Variants in CNTN6 observed in about 807,000 individuals in gnomAD.
CNTN6 encodes the protein contactin 6.
Under a neutral mutation model 122.8 loss-of-function variants are expected in CNTN6, and 137 were observed. The ratio of observed to expected loss-of-function variants is 1.12; its 90% CI spans 0.97 to 1.29. The LOEUF (loss-of-function observed/expected upper bound fraction) is 1.29. CNTN6 is among the 50% of genes most tolerant of loss of function. The probability of loss-of-function intolerance (pLI) is 0.00; values close to 1 mark genes in which losing one functional copy is unlikely to be tolerated. For synonymous variants in CNTN6, 570 were observed against 426.0 expected (o/e 1.34, Z -4.16); for missense variants, 1,634 against 1,223.4 (o/e 1.34, Z -5.01).
At chr3:1,372,710 A>T in intron 13 of CNTN6, 128 bp from the exon 14 acceptor site, 1 of 689,470 alleles carries the variant, frequency 1.5e-6, no homozygotes, top group Non-Finnish European at 2.5e-6. Context: ...ACAAGAAATG[A>T]CAATGATACT....
intron 20 of CNTN6, among the ~76,000 whole-genome samples, chr3:1,390,819 A>G (rs1694027845): frequency 6.6e-6 from 1 of 151,228 alleles, no homozygotes. Context: ...AAATGGATAA[A>G]TTCCTCGACA....
At chr3:1,147,443 A>T (rs139339845) in intron 1 of CNTN6, among the ~76,000 whole-genome samples, 2,604 of 152,200 alleles carry the variant, frequency 0.017, 85 homozygotes, top group African/African-American at 0.059. Flanking sequence ...TTCTGAGCTT[A>T]TTCTAAATTT....
chr3:1,278,009 G>A (rs1163047948), intron 4 of CNTN6, among the ~76,000 whole-genome samples: 16 of 152,150 alleles, frequency 1.1e-4, no homozygotes, highest in Admixed American at 1.0e-3. Flanking sequence ...TCTCATAGAT[G>A]CCAGTCACAC....
rs1320010449 is a variant in CNTN6 at position 1,401,484 on chromosome 3, T to C, written c.2756T>C (p.Leu919Ser). The stretch of plus-strand genomic sequence containing the variant: ...GCCTGGAAGCTGACAAACTCTAAAT[T>C]ATGCTTGAACTGGGAGCATGTAAAA... ...NIAWKLTNSKLCLNWEHVKTM... is the reference protein window; with the variant it reads ...NIAWKLTNSKSCLNWEHVKTM... Residue 919 changes from leucine (L) to serine (S), a missense_variant, in exon 21 of 23, where the codon TTA becomes TCA. Physicochemically the swap from Leu to Ser is moderately radical, Grantham distance 145 (BLOSUM62 -2). Coordinates refer to ENST00000446702, the MANE Select transcript of CNTN6 (RefSeq NM_001289080.2). The C allele has an allele frequency of 1.2e-6, 2 of 1,612,022 alleles. No individual in the cohort carries two copies. Among genetic ancestry groups the C allele is most frequent in the African/African-American group, 1.3e-5 (1 of 74,828 alleles).
chr3:1,272,174 C>G (rs1271272805), intron 4 of CNTN6, among the ~76,000 whole-genome samples: 1 of 152,226 alleles, frequency 6.6e-6, no homozygotes, highest in Non-Finnish European at 1.5e-5. Flanking sequence ...CCATGTGGAG[C>G]TGTGAGTCCA....
At position 1,123,680 on chromosome 3, in the gene CNTN6, T is replaced by C. The variant is rs571815696; in HGVS notation, c.-82-24247T>C. 2.0e-5 allele frequency among the ~76,000 whole-genome samples: 3 copies of C among 152,042 alleles called. No individual in the cohort carries two copies. In the East Asian group the frequency reaches 5.8e-4, roughly 29 times the overall value. The stretch of plus-strand genomic sequence containing the variant: ...CCCAATTTAGATACCTTTTATTCAG[T>C]TTTCTTGCCTACTTGCTCTGGTTAG... On this transcript the variant is annotated intron_variant, in intron 1 of 22. Coordinates refer to ENST00000446702, the MANE Select transcript of CNTN6 (RefSeq NM_001289080.2).
chr3:1,231,963 G>A (rs149948137), intron 4 of CNTN6, among the ~76,000 whole-genome samples: 32 of 152,258 alleles, frequency 2.1e-4, no homozygotes, highest in Non-Finnish European at 3.5e-4. Context: ...TGGTGGTAAA[G>A]GTTGAACTTA....
intron 7 of CNTN6, among the ~76,000 whole-genome samples, chr3:1,320,290 A>C (rs1323154604): frequency 6.6e-6 from 1 of 151,746 alleles, no homozygotes; most frequent in East Asian, 1.9e-4. Flanking sequence ...TTTTCTGACA[A>C]ATATGTTTGA....
intron 20 of CNTN6, among the ~76,000 whole-genome samples, chr3:1,388,848 A>C (rs1325607975): frequency 6.8e-6 from 1 of 146,446 alleles, no homozygotes; most frequent in Non-Finnish European, 1.5e-5. Context: ...TGAAGCAAGA[A>C]GGGAAGTTTA....
chr3:1,371,018 T>C (rs1708940980), intron 12 of CNTN6, among the ~76,000 whole-genome samples: 1 of 152,160 alleles, frequency 6.6e-6, no homozygotes, highest in Admixed American at 6.6e-5. Context: ...ATGGCTCTTT[T>C]GTCAGTATGT....
intron 1 of CNTN6, among the ~76,000 whole-genome samples, chr3:1,141,731 T>C (rs1574996587): frequency 6.6e-6 from 1 of 152,152 alleles, no homozygotes; most frequent in Admixed American, 6.6e-5. Flanking sequence ...AAAAGCACAA[T>C]GTTGACAGAA....
chr3:1,156,014 A>G (rs1435650883), intron 2 of CNTN6, among the ~76,000 whole-genome samples: 2 of 152,180 alleles, frequency 1.3e-5, no homozygotes, highest in Non-Finnish European at 2.9e-5. Context: ...AATTTCCTTC[A>G]ACAAATATTG....
chr3:1,130,505 G>C (rs964220038), intron 1 of CNTN6, among the ~76,000 whole-genome samples: 2 of 152,076 alleles, frequency 1.3e-5, no homozygotes, highest in Non-Finnish European at 2.9e-5. Flanking sequence ...TTCTAGCCCC[G>C]TTGTTGAGTT....
chr3:1,316,727 GTTATTATTA>G (rs141412602), intron 7 of CNTN6, among the ~76,000 whole-genome samples: 1 of 151,688 alleles, frequency 6.6e-6, no homozygotes, highest in East Asian at 1.9e-4. Context: ...TATTGTAATT[GTTATTATTA>G]TTATTAACAC....
chr3:1,298,205 C>G, intron 7 of CNTN6: 1 of 486,650 alleles, frequency 2.1e-6, no homozygotes, highest in Non-Finnish European at 3.7e-6. Context: ...GGCTGCAATT[C>G]TTCCCTACAG....
chr3:1,321,967 C>A, intron 8 of CNTN6, 133 bp downstream of exon 8: 1 of 702,320 alleles, frequency 1.4e-6, no homozygotes, highest in Non-Finnish European at 2.3e-6. Context: ...GGTTTAGATG[C>A]TTAACACAAT....
At chr3:1,178,271 C>T (rs1357019794) in intron 2 of CNTN6, among the ~76,000 whole-genome samples, 1 of 151,996 alleles carries the variant, frequency 6.6e-6, no homozygotes, top group East Asian at 1.9e-4. Context: ...CTCTGTTCTG[C>T]TTTATTCACT....
At chr3:1,124,579 T>C (rs2092088417) in intron 1 of CNTN6, among the ~76,000 whole-genome samples, 1 of 151,830 alleles carries the variant, frequency 6.6e-6, no homozygotes, top group Non-Finnish European at 1.5e-5. Flanking sequence ...AGAACACATA[T>C]TGGGTATAGT....
intron 5 of CNTN6, among the ~76,000 whole-genome samples, chr3:1,284,771 AC>A (rs1694061215): frequency 6.6e-6 from 1 of 152,240 alleles, no homozygotes; most frequent in African/African-American, 2.4e-5. Context: ...TGAGCAGAGA[AC>A]TAAAGAAGTG....
Sources: gnomAD v4.1 joint callset for allele counts (sites outside exome capture counted in the v4.1 genomes callset) on GRCh38, gnomAD v4.1.1 for gene constraint, MANE v1.5 for transcripts, NCBI Gene and HGNC (gene_info 2026-07-23, HGNC 2026-07-21) for gene names.